Variants in SORCS3 observed in about 807,000 individuals in gnomAD.
SORCS3 encodes VPS10 domain-containing receptor SorCS3.
In SORCS3, 57 loss-of-function variants were observed where a neutral mutation model predicts 146.3. The ratio of observed to expected loss-of-function variants is 0.39; its 90% CI spans 0.31 to 0.49. The LOEUF is 0.49. Among genes scored for constraint, SORCS3 ranks in the 20% least tolerant of loss-of-function variants. The pLI is 0.92. For missense variants in SORCS3, 1,341 were observed against 1,575.5 expected, an observed-to-expected ratio of 0.85 and a Z score of 2.52; for synonymous variants, 653 against 618.5, an observed-to-expected ratio of 1.06 and a Z score of -0.83.
intron 3 of SORCS3, among the ~76,000 whole-genome samples, chr10:104,920,444 T>C (rs2019075950): frequency 6.6e-6 from 1 of 152,228 alleles, no homozygotes; most frequent in African/African-American, 2.4e-5. Flanking sequence ...CTTCTACCAG[T>C]AATCATCCCA....
At chr10:105,150,787 A>G (rs1246648531) in intron 9 of SORCS3, among the ~76,000 whole-genome samples, 1 of 152,152 alleles carries the variant, frequency 6.6e-6, no homozygotes, top group Non-Finnish European at 1.5e-5. Context: ...CTGGAGATAC[A>G]TTCTGTGGTT....
chr10:105,118,547 T>C (rs1056346811), intron 7 of SORCS3, among the ~76,000 whole-genome samples: 2 of 151,898 alleles, frequency 1.3e-5, no homozygotes, highest in Admixed American at 6.6e-5. Context: ...CAGGCAGAGG[T>C]TGGAACAGTT....
chr10:105,141,263 T>C (rs962028045), intron 8 of SORCS3, among the ~76,000 whole-genome samples: 9 of 152,098 alleles, frequency 5.9e-5, no homozygotes, highest in Non-Finnish European at 2.9e-5. Context: ...TGCCATCCGC[T>C]TAGTCCCTTT....
intron 3 of SORCS3, among the ~76,000 whole-genome samples, chr10:104,958,954 G>T (rs1373957190): frequency 6.6e-6 from 1 of 152,068 alleles, no homozygotes; most frequent in Non-Finnish European, 1.5e-5. Context: ...CTGCCTCCAT[G>T]ATCCAATCAC....
Position 104,977,427 on chromosome 10 carries a change from T to C in SORCS3, c.888T>C (p.Tyr296=), listed in dbSNP as rs1273576769. 2 of 1,613,904 alleles carry C rather than the reference T, an allele frequency of 1.2e-6. No homozygotes were observed. The highest frequency in any genetic ancestry group is 1.1e-5 in the South Asian group (1 of 91,070). ...ATCAGAAGTATCGGCTCACCTTCTATATCCAGAGCCTGCTCTTTCATCCCA... is the reference window on the plus strand; with the variant it reads ...ATCAGAAGTATCGGCTCACCTTCTACATCCAGAGCCTGCTCTTTCATCCCA... ...ATYQKYRLTF[Y]IQSLLFHPKQ... The change falls in exon 4 of 27, where the codon TAT becomes TAC. Residue 296 remains tyrosine, a synonymous_variant. Transcript: ENST00000369701.
chr10:105,221,108 C>T (rs948797479), intron 19 of SORCS3, among the ~76,000 whole-genome samples: 5 of 151,922 alleles, frequency 3.3e-5, no homozygotes, highest in Non-Finnish European at 5.9e-5. Flanking sequence ...GGTACATAGT[C>T]GGTATATATA....
intron 2 of SORCS3, among the ~76,000 whole-genome samples, chr10:104,912,151 G>A (rs1385881628): frequency 6.6e-6 from 1 of 152,142 alleles, no homozygotes; most frequent in African/African-American, 2.4e-5. Context: ...TTTAACCAGT[G>A]TCAGAATAAT....
intron 4 of SORCS3, among the ~76,000 whole-genome samples, chr10:104,988,320 C>T (rs2054974078): frequency 6.6e-6 from 1 of 152,124 alleles, no homozygotes; most frequent in South Asian, 2.1e-4. Flanking sequence ...AGTAAGACAA[C>T]AAAATCAGCC....
chr10:104,989,691 G>A (rs950632195), intron 4 of SORCS3, among the ~76,000 whole-genome samples: 1 of 152,298 alleles, frequency 6.6e-6, no homozygotes, highest in East Asian at 1.9e-4. Context: ...TTCAGACCAG[G>A]GAAATGCTGC....
At chr10:104,662,398 T>TC (rs2015714272) in intron 1 of SORCS3, among the ~76,000 whole-genome samples, 1 of 152,230 alleles carries the variant, frequency 6.6e-6, no homozygotes, top group Non-Finnish European at 1.5e-5. Context: ...TTTCTACTAT[T>TC]ATGAGCCACA....
At chr10:105,022,574 T>C (rs2055204726) in intron 4 of SORCS3, among the ~76,000 whole-genome samples, 1 of 152,118 alleles carries the variant, frequency 6.6e-6, no homozygotes. Context: ...GCCTAAAATG[T>C]CTCCAAAAAT....
chr10:104,669,929 A>G (rs2015831338), intron 1 of SORCS3, among the ~76,000 whole-genome samples: 1 of 152,044 alleles, frequency 6.6e-6, no homozygotes. Flanking sequence ...GAATGGAAGA[A>G]GTAGTAGCTC....
At chr10:104,898,421 G>A (rs1040784672) in intron 2 of SORCS3, among the ~76,000 whole-genome samples, 1 of 152,120 alleles carries the variant, frequency 6.6e-6, no homozygotes, top group African/African-American at 2.4e-5. Flanking sequence ...GTATGTTTCT[G>A]GGTATCTCAA....
intron 10 of SORCS3, among the ~76,000 whole-genome samples, chr10:105,157,985 A>G (rs2056226757): frequency 6.6e-6 from 1 of 152,212 alleles, no homozygotes; most frequent in South Asian, 2.1e-4. Context: ...TTTATTAACC[A>G]CTTATCTTAT....
At chr10:104,870,113 A>G (rs2018503488) in intron 2 of SORCS3, among the ~76,000 whole-genome samples, 1 of 152,252 alleles carries the variant, frequency 6.6e-6, no homozygotes, top group Non-Finnish European at 1.5e-5. Context: ...GAATTGATGC[A>G]TATTATAAAT....
chr10:105,120,886 A>G (rs1049525009), intron 7 of SORCS3, among the ~76,000 whole-genome samples: 2 of 152,162 alleles, frequency 1.3e-5, no homozygotes, highest in Non-Finnish European at 2.9e-5. Flanking sequence ...AAAAGCTTCT[A>G]TTACTATTAG....
At chr10:105,236,744 A>G (rs1212508258) in intron 20 of SORCS3, among the ~76,000 whole-genome samples, 1 of 152,148 alleles carries the variant, frequency 6.6e-6, no homozygotes, top group Non-Finnish European at 1.5e-5. Context: ...GAACAAAGCA[A>G]TTGGGGATTC....
At chr10:105,000,335 CAT>C (rs2055053661) in intron 4 of SORCS3, among the ~76,000 whole-genome samples, 1 of 140,106 alleles carries the variant, frequency 7.1e-6, no homozygotes, top group South Asian at 2.2e-4. Flanking sequence ...TACGTGTGTT[CAT>C]GTGTGTGTGT....
rs376454192 is a variant in SORCS3 at position 105,193,420 on chromosome 10, G to A, written c.2010-6579G>A. On this transcript the variant is annotated intron_variant, in intron 14 of 26. Transcript: ENST00000369701. ...TAATCAACCCAGAAGTATTTATTAA[G>A]CATCTGTTATATGAAAGAAGTACCA... Among the ~76,000 whole-genome samples the A allele has an allele frequency of 4.8e-4, 73 of 152,232 alleles. 1 individual carries two copies. The East Asian group carries it at 6.0e-3, about 12-fold the overall frequency.
Sources: gnomAD v4.1 joint callset for allele counts (sites outside exome capture counted in the v4.1 genomes callset) on GRCh38, gnomAD v4.1.1 for gene constraint, MANE v1.5 for transcripts, NCBI Gene and HGNC (gene_info 2026-07-23, HGNC 2026-07-21) for gene names.